The following RBMS3 variants were observed in gnomAD, a reference collection of about 807,000 sequenced individuals.
RBMS3 encodes the protein RNA binding motif single stranded interacting protein 3, also known as RNA-binding motif, single-stranded-interacting protein 3.
In RBMS3, 27 loss-of-function variants were observed where a neutral mutation model predicts 66.8. The observed-to-expected ratio is 0.40, with a 90% CI of 0.30 to 0.56. RBMS3 has a LOEUF of 0.56. RBMS3 is among the 20% of genes least tolerant of loss of function. The pLI is 0.40. For synonymous variants in RBMS3, 188 were observed against 183.0 expected, an observed-to-expected ratio of 1.03 and a Z score of -0.22; for missense variants, 513 against 549.5, an observed-to-expected ratio of 0.93 and a Z score of 0.66.
At chr3:29,993,646 T>C (rs954792571) in intron 14 of RBMS3, among the ~76,000 whole-genome samples, 4 of 152,206 alleles carry the variant, frequency 2.6e-5, no homozygotes, top group African/African-American at 7.2e-5. Flanking sequence ...GGAACTCCTG[T>C]TACTTGACTG....
chr3:29,993,769 G>C (rs12488708), intron 14 of RBMS3, among the ~76,000 whole-genome samples: 7,844 of 152,268 alleles, frequency 0.052, 454 homozygotes, highest in East Asian at 0.16. Context: ...AACTCTTTCA[G>C]TTCTCAGACT....
At chr3:29,716,272 G>A (rs1414472815) in intron 4 of RBMS3, among the ~76,000 whole-genome samples, 3 of 152,050 alleles carry the variant, frequency 2.0e-5, no homozygotes, top group South Asian at 2.1e-4. Flanking sequence ...AGATATCTGG[G>A]CAAAGTAACT....
At chr3:29,526,346 C>G (rs1279108272) in intron 3 of RBMS3, 1 of 151,630 alleles carries the variant, frequency 6.6e-6, no homozygotes, top group Middle Eastern at 3.4e-3. Context: ...CGGTGAAACC[C>G]CGTCTCTACT....
intron 4 of RBMS3, among the ~76,000 whole-genome samples, chr3:29,648,288 G>A (rs1309024228): frequency 8.5e-5 from 6 of 70,534 alleles, no homozygotes; most frequent in East Asian, 5.5e-4. Flanking sequence ...TTTTTTTTGC[G>A]ACAGGGTCTC....
At chr3:29,843,881 G>A (rs1376346026) in intron 6 of RBMS3, among the ~76,000 whole-genome samples, 1 of 152,016 alleles carries the variant, frequency 6.6e-6, no homozygotes, top group East Asian at 1.9e-4. Context: ...CCGGGAAGCG[G>A]GCAGAGGTTG....
chr3:29,320,047 C>G (rs563612164), intron 1 of RBMS3, among the ~76,000 whole-genome samples: 1 of 152,012 alleles, frequency 6.6e-6, no homozygotes, highest in Non-Finnish European at 1.5e-5. Context: ...GGGATTTAGT[C>G]TCTGCCATGT....
intron 6 of RBMS3, among the ~76,000 whole-genome samples, chr3:29,799,126 G>T (rs1395450721): frequency 6.6e-6 from 1 of 152,080 alleles, no homozygotes; most frequent in African/African-American, 2.4e-5. Flanking sequence ...ATGCCTCTCA[G>T]TCATCCATAA....
chr3:29,960,962 CA>C (rs1696393796), intron 12 of RBMS3, among the ~76,000 whole-genome samples: 1 of 152,128 alleles, frequency 6.6e-6, no homozygotes, highest in Non-Finnish European at 1.5e-5. Flanking sequence ...ACATTTTTCC[CA>C]TTGTCTTGGT....
chr3:29,738,803 G>A (rs2054492218), intron 4 of RBMS3, among the ~76,000 whole-genome samples: 1 of 152,086 alleles, frequency 6.6e-6, no homozygotes, highest in Non-Finnish European at 1.5e-5. Context: ...TGCATTTCTG[G>A]GACTATACTT....
chr3:29,588,931 C>T (rs1158932524), intron 4 of RBMS3, among the ~76,000 whole-genome samples: 18 of 151,906 alleles, frequency 1.2e-4, no homozygotes, highest in South Asian at 2.1e-4. Context: ...AAATGCTTAA[C>T]GAAAAAGTTG....
At chr3:29,725,459 G>A (rs1187629574) in intron 4 of RBMS3, among the ~76,000 whole-genome samples, 1 of 151,660 alleles carries the variant, frequency 6.6e-6, no homozygotes, top group African/African-American at 2.4e-5. Context: ...ACAAAATAGA[G>A]AGACTGCTAG....
intron 1 of RBMS3, among the ~76,000 whole-genome samples, chr3:29,297,324 A>G (rs1169197038): frequency 6.6e-6 from 1 of 151,916 alleles, no homozygotes; most frequent in East Asian, 1.9e-4. Flanking sequence ...AGGTGATAAA[A>G]TATAAATAAG....
chr3:29,932,846 A>G (rs188365336), intron 10 of RBMS3, among the ~76,000 whole-genome samples: 2 of 152,312 alleles, frequency 1.3e-5, no homozygotes, highest in East Asian at 3.9e-4. Context: ...CTTTACCCAA[A>G]TTACTGTTGA....
At chr3:29,967,724 C>T (rs770974008) in intron 12 of RBMS3, among the ~76,000 whole-genome samples, 48 of 152,090 alleles carry the variant, frequency 3.2e-4, no homozygotes, top group Non-Finnish European at 4.7e-4. Flanking sequence ...GAAATTTATC[C>T]GTCTTTTCTA....
At chr3:29,322,180 T>C (rs927369275) in intron 1 of RBMS3, among the ~76,000 whole-genome samples, 5 of 152,156 alleles carry the variant, frequency 3.3e-5, no homozygotes, top group African/African-American at 9.7e-5. Flanking sequence ...CATTTTCTTC[T>C]TTTCTACCGT....
chr3:29,803,073 C>T (rs1317138330), intron 6 of RBMS3, among the ~76,000 whole-genome samples: 1 of 152,078 alleles, frequency 6.6e-6, no homozygotes, highest in Non-Finnish European at 1.5e-5. Context: ...ATACTCACAG[C>T]CCGTTAAGGC....
At chr3:29,809,520 A>C (rs1433427355) in intron 6 of RBMS3, among the ~76,000 whole-genome samples, 1 of 151,992 alleles carries the variant, frequency 6.6e-6, no homozygotes, top group Non-Finnish European at 1.5e-5. Flanking sequence ...GCCTTCAACT[A>C]TGTCAATACT....
At chr3:29,734,232 A>G (rs921317181) in intron 4 of RBMS3, among the ~76,000 whole-genome samples, 2 of 152,148 alleles carry the variant, frequency 1.3e-5, no homozygotes, top group Admixed American at 6.6e-5. Flanking sequence ...TATGGTTACT[A>G]GAGGCTAGGA....
rs149858478 is a variant in RBMS3 at position 29,639,716 on chromosome 3, T to C, written c.399+52511T>C. Among the ~76,000 whole-genome samples, 855 of 151,802 alleles carry C rather than the reference T, an allele frequency of 5.6e-3. 1 individual carries two copies. The highest frequency in any genetic ancestry group is 9.2e-3 in the Non-Finnish European group (626 of 67,816). Reference sequence around the variant, plus strand: ...TTTTGTTTAGAAAAACACTTGCATATAAATAGAGAAGCCCAGTATCTGCCT... The same window carrying C: ...TTTTGTTTAGAAAAACACTTGCATACAAATAGAGAAGCCCAGTATCTGCCT... On this transcript the variant is annotated intron_variant, in intron 4 of 14. Transcript: ENST00000383767.
Sources: allele counts gnomAD v4.1 joint callset (sites outside exome capture counted in the v4.1 genomes callset), GRCh38; gene constraint gnomAD v4.1.1; transcripts MANE v1.5; gene names NCBI Gene and HGNC (gene_info 2026-07-23, HGNC 2026-07-21).